The following GRHL2 variants were observed in gnomAD, a reference collection of about 807,000 sequenced individuals.
The protein encoded by GRHL2 is grainyhead like transcription factor 2, also known as grainyhead-like protein 2 homolog.
A neutral mutation model predicts 83.8 loss-of-function variants in GRHL2; 21 were observed. The ratio of observed to expected loss-of-function variants is 0.25; its 90% CI spans 0.18 to 0.36. The LOEUF is 0.36. Among genes scored for constraint, GRHL2 ranks in the 10% least tolerant of loss-of-function variants. The probability of loss-of-function intolerance (pLI) is 1.00; values close to 1 mark genes in which losing one functional copy is unlikely to be tolerated. For missense variants in GRHL2, 623 were observed against 781.8 expected (o/e 0.80, Z 2.42); for synonymous variants, 280 against 278.9 (o/e 1.00, Z -0.04).
chr8:101,666,549 G>A lies in GRHL2; in HGVS notation c.1764-40G>A, dbSNP rs375774210. The A allele has an allele frequency of 8.3e-4, 988 of 1,196,922 alleles. 1 individual carries two copies. The highest frequency in any genetic ancestry group is 1.3e-3 in the South Asian group (104 of 82,150). The allele number at this position is 1,196,922 out of a possible 1,614,324, so 74.1% of individuals were successfully genotyped here. ...CCCTTGCCCTGGGCACATTGTTCAC[G>A]GCGTCTTTGTTTTTCACACCCCTCC... On this transcript the variant is annotated intron_variant, in intron 15 of 15. Transcript: ENST00000646743.
At chr8:101,620,966 G>T (rs1454342278) in intron 9 of GRHL2, among the ~76,000 whole-genome samples, 1 of 151,650 alleles carries the variant, frequency 6.6e-6, no homozygotes, top group Non-Finnish European at 1.5e-5. Flanking sequence ...TCTAAGCTGA[G>T]TTGAAAAAAA....
At chr8:101,570,203 T>G (rs1333126102) in intron 4 of GRHL2, 136 bp from the exon 5 acceptor site, 1 of 747,370 alleles carries the variant, frequency 1.3e-6, no homozygotes, top group Non-Finnish European at 2.3e-6. Flanking sequence ...ACTTTTGCTG[T>G]AGTTGAAAAC....
At chr8:101,519,695 C>T (rs1006367110) in intron 1 of GRHL2, among the ~76,000 whole-genome samples, 2 of 151,738 alleles carry the variant, frequency 1.3e-5, no homozygotes, top group Non-Finnish European at 2.9e-5. Flanking sequence ...TCACACACAC[C>T]CCACCCTAAC....
chr8:101,592,100 CTTTTTTTTTTT>C (rs11382067), intron 7 of GRHL2, among the ~76,000 whole-genome samples: 26 of 90,298 alleles, frequency 2.9e-4, no homozygotes, highest in South Asian at 4.3e-4. Flanking sequence ...TCTTTCTTTT[CTTTTTTTTTTT>C]TTTTTTTTTT....
intron 1 of GRHL2, among the ~76,000 whole-genome samples, chr8:101,518,702 G>A (rs1810621675): frequency 6.6e-6 from 1 of 152,156 alleles, no homozygotes. Flanking sequence ...AGCTCTGCAA[G>A]TATGAGATCG....
chr8:101,562,084 G>A, intron 4 of GRHL2: 1 of 687,562 alleles, frequency 1.5e-6, no homozygotes, highest in Non-Finnish European at 2.7e-6. Flanking sequence ...TGCAAGGGGG[G>A]CTCAGATAAG....
At chr8:101,513,030 C>A (rs1810495834) in intron 1 of GRHL2, among the ~76,000 whole-genome samples, 1 of 152,090 alleles carries the variant, frequency 6.6e-6, no homozygotes, top group South Asian at 2.1e-4. Context: ...TACAAACATT[C>A]AGTTTATTGC....
In GRHL2 at chr8:101,622,723, T is replaced by C. The variant is rs560109533; in HGVS notation, c.1257+3026T>C. On this transcript the variant is annotated intron_variant, in intron 9 of 15. Transcript: ENST00000646743. Reference sequence around the variant, plus strand: ...TTTCCGTAAGTTATTGGGATACAGGTAGTATTTGGTTACATGAGTAAGCTC... The same window carrying C: ...TTTCCGTAAGTTATTGGGATACAGGCAGTATTTGGTTACATGAGTAAGCTC... Among the ~76,000 whole-genome samples the C allele has an allele frequency of 1.1e-4, 17 of 152,250 alleles. 1 individual carries two copies. The South Asian group carries it at 3.3e-3, about 30-fold the overall frequency.
At chr8:101,562,804 G>A (rs1281632359) in intron 4 of GRHL2, among the ~76,000 whole-genome samples, 1 of 152,192 alleles carries the variant, frequency 6.6e-6, no homozygotes, top group Non-Finnish European at 1.5e-5. Context: ...CATTCAAGAT[G>A]GGGGTCATTG....
chr8:101,516,133 G>T (rs996010440), intron 1 of GRHL2, among the ~76,000 whole-genome samples: 2 of 152,138 alleles, frequency 1.3e-5, no homozygotes, highest in Admixed American at 1.3e-4. Context: ...CTTCTCAGGA[G>T]GTCCGGTGCC....
At chr8:101,676,859 C>G in the GRHL2 span, among the ~76,000 whole-genome samples, 1 of 152,128 alleles carries the variant, frequency 6.6e-6, no homozygotes. Context: ...GGCACATATA[C>G]ACCATGGAAT....
At chr8:101,675,764 C>T in the GRHL2 span, among the ~76,000 whole-genome samples, 2 of 152,048 alleles carry the variant, frequency 1.3e-5, no homozygotes, top group Non-Finnish European at 2.9e-5. Flanking sequence ...CAATCCTAAG[C>T]CGAAAGAACA....
intron 8 of GRHL2, among the ~76,000 whole-genome samples, chr8:101,607,929 A>G (rs1232219895): frequency 2.6e-5 from 4 of 152,214 alleles, no homozygotes; most frequent in Non-Finnish European, 5.9e-5. Context: ...CAATGGCTAG[A>G]TCTTTGTTAG....
At chr8:101,678,029 AT>A in the GRHL2 span, among the ~76,000 whole-genome samples, 2 of 152,118 alleles carry the variant, frequency 1.3e-5, no homozygotes, top group Non-Finnish European at 2.9e-5. Context: ...AAACCAGAAA[AT>A]TTCAGTAAAG....
Position 101,511,894 on chromosome 8 carries a change from T to C in GRHL2, c.20+19105T>C, listed in dbSNP as rs1166658968. On this transcript the variant is annotated intron_variant, in intron 1 of 15. Coordinates refer to ENST00000646743, the MANE Select transcript of GRHL2 (RefSeq NM_024915.4). ...TGAGGTCTTTACATAATTGTTTTTC[T>C]AGATGGCCAAACTATTCTGCCAATG... Among the ~76,000 whole-genome samples, 3 of 152,344 alleles carry C rather than the reference T, an allele frequency of 2.0e-5. No individual in the cohort carries two copies. The East Asian group carries it at 5.8e-4, about 29-fold the overall frequency.
At chr8:101,615,471 T>G (rs1407953547) in intron 8 of GRHL2, among the ~76,000 whole-genome samples, 1 of 152,226 alleles carries the variant, frequency 6.6e-6, no homozygotes, top group East Asian at 1.9e-4. Context: ...CTCTGGCTCC[T>G]GTAGTTCTAG....
At chr8:101,620,351 T>C (rs912545011) in intron 9 of GRHL2, among the ~76,000 whole-genome samples, 3 of 152,192 alleles carry the variant, frequency 2.0e-5, no homozygotes, top group African/African-American at 7.2e-5. Context: ...TCCAATTAGA[T>C]AGCTCAAATA....
intron 7 of GRHL2, among the ~76,000 whole-genome samples, chr8:101,582,598 A>G (rs1369620158): frequency 2.0e-5 from 3 of 152,228 alleles, no homozygotes. Flanking sequence ...CCACAGACCC[A>G]GAAGGCTCTG....
chr8:101,631,787 G>T, intron 10 of GRHL2, 63 bp downstream of exon 10: 1 of 1,325,872 alleles, frequency 7.5e-7, no homozygotes, highest in South Asian at 1.2e-5. Context: ...TCCACTGGGG[G>T]AACAGGTGGA....
Sources: allele counts gnomAD v4.1 joint callset (sites outside exome capture counted in the v4.1 genomes callset), GRCh38; gene constraint gnomAD v4.1.1; transcripts MANE v1.5; gene names NCBI Gene and HGNC (gene_info 2026-07-23, HGNC 2026-07-21).